IMPG1: variants seen among roughly 807,000 people sequenced by gnomAD.
IMPG1 encodes interphotoreceptor matrix proteoglycan of 150 kDa.
In IMPG1, 85 loss-of-function variants were observed where a neutral mutation model predicts 92.0. The ratio of observed to expected loss-of-function variants is 0.92; its 90% CI spans 0.78 to 1.11. The LOEUF is 1.11. IMPG1 is among the 50% of genes least tolerant of loss of function. IMPG1 has a pLI of 0.00. For missense variants in IMPG1, 1,022 were observed against 956.0 expected (o/e 1.07, Z -0.91); for synonymous variants, 367 against 334.1 (o/e 1.10, Z -1.08).
In IMPG1 at chr6:76,005,297, C is replaced by A; in HGVS notation, c.1125G>T (p.Gln375His). 1 of 1,613,918 alleles carries A rather than the reference C, an allele frequency of 6.2e-7. No individual in the cohort carries two copies. Among genetic ancestry groups the A allele is most frequent in the South Asian group, 1.1e-5 (1 of 91,062 alleles). ...EEQSLDVGTI[Q>H]FTDEIAGSLP... is the part of the protein sequence containing the mutation. ...CAATCATTAACTGACCATCAGTGAA[C>A]TGAATTGTCCCCACATCCAAAGATT... is the stretch of plus-strand genomic sequence containing the variant. The change falls in exon 10 of 17, where the codon CAG becomes CAT. Residue 375 changes from glutamine (Q) to histidine (H), a missense_variant. This residue lies in a region of IMPG1 where 681 missense variants were observed against 583.6 expected (regional missense o/e 1.17). Coordinates refer to ENST00000369950, the MANE Select transcript of IMPG1 (RefSeq NM_001563.4).
At chr6:75,960,499 T>C (rs1782198133) in intron 12 of IMPG1, among the ~76,000 whole-genome samples, 1 of 152,224 alleles carries the variant, frequency 6.6e-6, no homozygotes, top group South Asian at 2.1e-4. Context: ...TTATTTTTAA[T>C]CTGAAATTTA....
At chr6:75,925,803 T>C (rs896703433) in intron 15 of IMPG1, among the ~76,000 whole-genome samples, 1 of 152,124 alleles carries the variant, frequency 6.6e-6, no homozygotes, top group Non-Finnish European at 1.5e-5. Context: ...GTAGCTGAGA[T>C]TACAGGCACA....
intron 12 of IMPG1, among the ~76,000 whole-genome samples, chr6:75,971,521 T>C (rs1282058336): frequency 6.6e-6 from 1 of 152,178 alleles, no homozygotes; most frequent in Admixed American, 6.5e-5. Context: ...TTTTCTGAAA[T>C]GACAGTTAAC....
chr6:76,002,704 A>G (rs533077453), intron 12 of IMPG1, among the ~76,000 whole-genome samples: 1 of 152,288 alleles, frequency 6.6e-6, no homozygotes, highest in East Asian at 1.9e-4. Context: ...TGGCTGTAGG[A>G]CTGGGAACTA....
chr6:75,943,893 C>T (rs948735389), intron 14 of IMPG1, among the ~76,000 whole-genome samples: 16 of 152,362 alleles, frequency 1.1e-4, no homozygotes, highest in African/African-American at 3.8e-4. Flanking sequence ...TCTGGCACAA[C>T]AGAAACTTGT....
intron 2 of IMPG1, among the ~76,000 whole-genome samples, chr6:76,037,001 T>A (rs1303157271): frequency 1.3e-5 from 2 of 152,210 alleles, no homozygotes; most frequent in Non-Finnish European, 2.9e-5. Context: ...GAAGCCTCCC[T>A]ATAAGCATTT....
intron 12 of IMPG1, among the ~76,000 whole-genome samples, chr6:75,970,743 A>G (rs981802711): frequency 1.3e-5 from 2 of 152,228 alleles, no homozygotes; most frequent in Non-Finnish European, 2.9e-5. Context: ...TTTTAATAGT[A>G]TGATCAAAGT....
intron 1 of IMPG1, among the ~76,000 whole-genome samples, chr6:76,061,182 T>C (rs1256980041): frequency 6.6e-6 from 1 of 152,182 alleles, no homozygotes; most frequent in Non-Finnish European, 1.5e-5. Context: ...GCAGCAAGTG[T>C]TTTTTATTAC....
At chr6:76,014,030 T>TGGGG (rs1350168648) in intron 7 of IMPG1, among the ~76,000 whole-genome samples, 1 of 152,228 alleles carries the variant, frequency 6.6e-6, no homozygotes, top group African/African-American at 2.4e-5. Flanking sequence ...TCCGGAGCTC[T>TGGGG]TTGTACGGGA....
rs1309555898 is a variant in IMPG1, at chr6:76,005,337, G to A, written c.1085C>T (p.Ala362Val). 16 of 1,613,768 alleles carry A rather than the reference G, an allele frequency of 9.9e-6. No homozygotes were observed. The highest frequency in any genetic ancestry group is 1.4e-5 in the Non-Finnish European group (16 of 1,179,826). Reference sequence around the variant, plus strand: ...ATCCAAAGATTGTTCTTCCTCTAGTGCTTTGCTGATCAGCCTTTTGAGGTC... The same window carrying A: ...ATCCAAAGATTGTTCTTCCTCTAGTACTTTGCTGATCAGCCTTTTGAGGTC... ...ATDLKRLISK[A>V]LEEEQSLDVG... Residue 362 changes from alanine to valine, a missense_variant, in exon 10 of 17, where the codon GCA (alanine) becomes GTA (valine). Ala to Val is a moderately conservative substitution (Grantham distance 64). Transcript: ENST00000369950.
At position 76,072,530 on chromosome 6, in the gene IMPG1, A is replaced by T; in HGVS notation, c.-42T>A. The T allele has an allele frequency of 8.8e-7, 1 of 1,140,300 alleles. No individual in the cohort carries two copies. Among genetic ancestry groups the T allele is most frequent in the Non-Finnish European group, 1.3e-6 (1 of 766,390 alleles). The allele number at this position is 1,140,300 out of a possible 1,614,324, so 70.6% of individuals were successfully genotyped here. ...TGGTAATTCTGATAACAATCACAGA[A>T]CAACCTCAAATCTCATTAAAAAGTA... On this transcript the variant is annotated 5_prime_UTR_variant, in exon 1 of 17. Transcript: ENST00000369950.
intron 14 of IMPG1, among the ~76,000 whole-genome samples, chr6:75,945,479 T>C (rs981255839): frequency 4.6e-5 from 7 of 151,730 alleles, no homozygotes; most frequent in African/African-American, 1.7e-4. Context: ...GCCTCCCGAA[T>C]AGCTGGGATT....
chr6:76,065,193 G>C lies in IMPG1; in HGVS notation c.67+7229C>G, dbSNP rs181105123. Among the ~76,000 whole-genome samples, 324 of 152,118 alleles carry C rather than the reference G, an allele frequency of 2.1e-3. 4 individuals are homozygous for C. The highest frequency in any genetic ancestry group is 3.8e-3 in the Non-Finnish European group (255 of 67,966). ...CTGGTGAAAAAACAGAGGGTTACAG[G>C]ATCCCCAAAAGATTACACTAGCTCT... On this transcript the variant is annotated intron_variant, in intron 1 of 16. Transcript: ENST00000369950.
chr6:75,924,405 T>TATATAATTATATATAATATATAATTA lies in IMPG1; in HGVS notation c.2244-725_2244-700dup, dbSNP rs1255413220. Among the ~76,000 whole-genome samples the TATATAATTATATATAATATATAATTA allele has an allele frequency of 6.9e-5, 8 of 116,664 alleles. 1 individual carries two copies. Among genetic ancestry groups the TATATAATTATATATAATATATAATTA allele is most frequent in the East Asian group, 2.2e-4 (1 of 4,640 alleles). The allele number at this position is 116,664 out of a possible 152,430, so 76.5% of individuals were successfully genotyped here. A position where few individuals can be genotyped will look rare whatever the true frequency, so the allele number is the denominator to read the frequency against. On this transcript the variant is annotated intron_variant, in intron 15 of 16. Coordinates refer to ENST00000369950, the MANE Select transcript of IMPG1 (RefSeq NM_001563.4). ...TATGTATTACATATATAAAAAATTA[T>TATATAATTATATATAATATATAATTA]ATATAATTATATATAATATATAATT...
At chr6:76,004,335 T>C (rs1412105761) in intron 10 of IMPG1, among the ~76,000 whole-genome samples, 1 of 152,160 alleles carries the variant, frequency 6.6e-6, no homozygotes, top group Non-Finnish European at 1.5e-5. Flanking sequence ...TGTGGCAAAC[T>C]TTCAACCTAA....
At chr6:75,955,242 T>C (rs577547695) in intron 12 of IMPG1, among the ~76,000 whole-genome samples, 2 of 152,222 alleles carry the variant, frequency 1.3e-5, no homozygotes. Context: ...TTCCTATCCA[T>C]GAGAATGGAA....
intron 6 of IMPG1, among the ~76,000 whole-genome samples, chr6:76,019,332 G>A (rs532060688): frequency 6.6e-6 from 1 of 152,292 alleles, no homozygotes; most frequent in East Asian, 1.9e-4. Flanking sequence ...GTTTGACAGA[G>A]TTTTCAACCT....
At chr6:76,030,385 C>T (rs1783632978) in intron 4 of IMPG1, among the ~76,000 whole-genome samples, 1 of 152,158 alleles carries the variant, frequency 6.6e-6, no homozygotes, top group East Asian at 1.9e-4. Flanking sequence ...ATGCTTGCTC[C>T]CCTCTTTCTA....
intron 1 of IMPG1, among the ~76,000 whole-genome samples, chr6:76,047,778 A>C (rs1395046014): frequency 3.3e-5 from 5 of 152,200 alleles, no homozygotes; most frequent in African/African-American, 1.2e-4. Flanking sequence ...GACTATGAAA[A>C]AATGCTTCAT....
Sources: allele counts gnomAD v4.1 joint callset (sites outside exome capture counted in the v4.1 genomes callset), GRCh38; gene constraint gnomAD v4.1.1; regional missense constraint gnomAD v4.1.1; transcripts MANE v1.5; gene names NCBI Gene and HGNC (gene_info 2026-07-23, HGNC 2026-07-21).